F2: variants seen among roughly 807,000 people sequenced by gnomAD.
The protein encoded by F2 is coagulation factor II, thrombin.
In F2, 34 loss-of-function variants were observed where a neutral mutation model predicts 81.9. That is an observed-to-expected ratio of 0.42 (90% confidence interval 0.32 to 0.55). The LOEUF (loss-of-function observed/expected upper bound fraction) is 0.55. Ranked by LOEUF, F2 falls within the 20% of genes least tolerant of loss-of-function variation. The probability of loss-of-function intolerance (pLI) is 0.18; values close to 1 mark genes in which losing one functional copy is unlikely to be tolerated. For missense variants in F2, 630 were observed against 833.4 expected (o/e 0.76, Z 3.00); for synonymous variants, 296 against 326.4 (o/e 0.91, Z 1.01).
intron 4 of F2, among the ~76,000 whole-genome samples, chr11:46,721,076 G>T (rs1420755940): frequency 2.6e-5 from 4 of 151,810 alleles, no homozygotes; most frequent in Non-Finnish European, 5.9e-5. Context: ...ACAGAGTCTC[G>T]CTCTGTTGCC....
intron 12 of F2, among the ~76,000 whole-genome samples, chr11:46,737,803 G>A (rs551941937): frequency 8.7e-5 from 13 of 149,890 alleles, no homozygotes; most frequent in East Asian, 1.9e-4. Flanking sequence ...GTTTGCTTAC[G>A]TTTTTGTCTG....
Position 46,719,263 on chromosome 11 carries a change from C to G in F2, c.28C>G (p.Pro10Ala). 6.2e-7 allele frequency: 1 copy of G among 1,613,752 alleles called. No homozygotes were observed. The highest frequency in any genetic ancestry group is 1.3e-5 in the African/African-American group (1 of 75,060). The change falls in exon 1 of 14, where the codon CCT (proline) becomes GCT (alanine). Residue 10 changes from proline (P) to alanine (A), a missense_variant. Physicochemically the swap from Pro to Ala is conservative, Grantham distance 27. Transcript: ENST00000311907. The surrounding 1 kb of genome is among the most constrained non-coding windows in gnomAD (Gnocchi z 4.7). ...GGCGCACGTCCGAGGCTTGCAGCTG[C>G]CTGGCTGCCTGGCCCTGGCTGCCCT... MAHVRGLQLPGCLALAALCS... is the reference protein window; with the variant it reads MAHVRGLQLAGCLALAALCS...
At position 46,719,556 on chromosome 11, in the gene F2, T is replaced by G; in HGVS notation, c.80-146T>G. The G allele has an allele frequency of 1.7e-6, 2 of 1,143,644 alleles. No individual in the cohort carries two copies. Among genetic ancestry groups the G allele is most frequent in the East Asian group, 5.1e-5 (2 of 38,900 alleles). The allele number at this position is 1,143,644 out of a possible 1,614,324, so 70.8% of individuals were successfully genotyped here. ...GTAGGAGGGGCACAGGGGGCCACAT[T>G]TAGCAGCCTTCCAGGCACTTCCACC... On this transcript the variant is annotated intron_variant, in intron 1 of 13. Transcript: ENST00000311907. The surrounding 1 kb of genome is among the most constrained non-coding windows in gnomAD (Gnocchi z 4.7).
intron 6 of F2, among the ~76,000 whole-genome samples, chr11:46,725,104 CTG>C (rs3136459): frequency 0.14 from 16,509 of 121,412 alleles, 1,819 homozygotes; most frequent in East Asian, 0.6. Context: ...GAGTCTCACT[CTG>C]TCACCCAGGC....
At chr11:46,725,799 C>G (rs2064867702) in intron 6 of F2, 60 bp from the exon 7 acceptor site, 2 of 1,579,448 alleles carry the variant, frequency 1.3e-6, no homozygotes, top group African/African-American at 2.7e-5. Flanking sequence ...ACACCCCTGT[C>G]TGTTCCGGTC....
At chr11:46,735,439 C>CA (rs1257648028) in intron 12 of F2, among the ~76,000 whole-genome samples, 24 of 142,084 alleles carry the variant, frequency 1.7e-4, no homozygotes, top group East Asian at 2.1e-4. Flanking sequence ...GACTCCATCT[C>CA]AAAAAAAAAA....
Position 46,719,944 on chromosome 11 carries a change from A to T in F2, c.240+82A>T. 1 of 1,509,512 alleles carries T rather than the reference A, an allele frequency of 6.6e-7. No individual in the cohort carries two copies. The highest frequency in any genetic ancestry group is 8.9e-7 in the Non-Finnish European group (1 of 1,122,090). The allele number at this position is 1,509,512 out of a possible 1,614,324, so 93.5% of individuals were successfully genotyped here. A position where few individuals can be genotyped will look rare whatever the true frequency, so the allele number is the denominator to read the frequency against. ...ACTTCCACAGAGAAGCAAGCGAGGAACGCCACAGCCCCTTCGCTGCTCACA... is the reference window on the plus strand; with the variant it reads ...ACTTCCACAGAGAAGCAAGCGAGGATCGCCACAGCCCCTTCGCTGCTCACA... On this transcript the variant is annotated intron_variant, in intron 2 of 13. Transcript: ENST00000311907. The surrounding 1 kb of genome is among the most constrained non-coding windows in gnomAD (Gnocchi z 4.7).
chr11:46,729,318 G>T, intron 11 of F2, 62 bp from the exon 12 acceptor site: 1 of 1,566,928 alleles, frequency 6.4e-7, no homozygotes, highest in South Asian at 1.1e-5. Context: ...AAGAAATGGC[G>T]TTGGGGCCAG....
rs2064850459 is a variant in F2, at chr11:46,723,356, T to C, written c.423-26T>C. On this transcript the variant is annotated intron_variant, in intron 5 of 13. Coordinates refer to ENST00000311907, the MANE Select transcript of F2 (RefSeq NM_000506.5). The surrounding 1 kb of genome is among the most constrained non-coding windows in gnomAD (Gnocchi z 5.6). ...CAAGCGTACCTCAAGCCCAACAGCC[T>C]CCTGTTGGGCAATTTCCTGTTCCAG... 3.7e-6 allele frequency: 6 copies of C among 1,613,172 alleles called. No homozygotes were observed. The highest frequency in any genetic ancestry group is 5.1e-6 in the Non-Finnish European group (6 of 1,179,318).
At position 46,726,683 on chromosome 11, in the gene F2, G is replaced by T. The variant is rs1210409910; in HGVS notation, c.1004-28G>T. On this transcript the variant is annotated intron_variant, in intron 8 of 13. Transcript: ENST00000311907. The surrounding 1 kb of genome is among the most constrained non-coding windows in gnomAD (Gnocchi z 5.9). ...GCTGCGGGGCTGGTGGCCAGGACTTGCCCCTCACTGCTTGGCTTGCTCTGC... is the reference window on the plus strand; with the variant it reads ...GCTGCGGGGCTGGTGGCCAGGACTTTCCCCTCACTGCTTGGCTTGCTCTGC... 1 of 1,613,636 alleles carries T rather than the reference G, an allele frequency of 6.2e-7. No homozygotes were observed.
At chr11:46,737,839 CTT>C (rs112666449) in intron 12 of F2, among the ~76,000 whole-genome samples, 3 of 141,376 alleles carry the variant, frequency 2.1e-5, no homozygotes, top group South Asian at 2.3e-4. Flanking sequence ...CTCTTGCTAG[CTT>C]TTTTTTTTTT....
intron 13 of F2, 27 bp from the exon 14 acceptor site, chr11:46,739,238 A>G (rs754893371): frequency 1.2e-6 from 2 of 1,613,684 alleles, no homozygotes; most frequent in Non-Finnish European, 1.7e-6. Context: ...ACTTGACTCT[A>G]TTGGAAACCT....
Position 46,739,354 on chromosome 11 carries a change from T to TA in F2, c.1815_1816insA (p.Val606SerfsTer13). On this transcript the variant is annotated frameshift_variant, in exon 14 of 14. Coordinates refer to ENST00000311907, the MANE Select transcript of F2 (RefSeq NM_000506.5). LOFTEE classifies it high-confidence loss of function. The stretch of plus-strand genomic sequence containing the variant: ...ATGGGAAATATGGCTTCTACACACA[T>TA]GTGTTCCGCCTGAAGAAGTGGATAC... The TA allele has an allele frequency of 6.2e-7, 1 of 1,614,062 alleles. No individual in the cohort carries two copies. Among genetic ancestry groups the TA allele is most frequent in the Non-Finnish European group, 8.5e-7 (1 of 1,179,954 alleles).
intron 6 of F2, among the ~76,000 whole-genome samples, chr11:46,724,800 C>T (rs2064861207): frequency 6.6e-6 from 1 of 151,480 alleles, no homozygotes; most frequent in African/African-American, 2.4e-5. Flanking sequence ...TGGAGTCTCA[C>T]TCCCTTGCCC....
rs998768059 is a variant in F2, at chr11:46,719,964, C to G, written c.240+102C>G. ...GAGGAACGCCACAGCCCCTTCGCTGCTCACAGCCTCATTTCAACTCTGAGC... is the reference window on the plus strand; with the variant it reads ...GAGGAACGCCACAGCCCCTTCGCTGGTCACAGCCTCATTTCAACTCTGAGC... On this transcript the variant is annotated intron_variant, in intron 2 of 13. Coordinates refer to ENST00000311907, the MANE Select transcript of F2 (RefSeq NM_000506.5). The surrounding 1 kb of genome is among the most constrained non-coding windows in gnomAD (Gnocchi z 4.7). 7.6e-6 allele frequency: 11 copies of G among 1,440,194 alleles called. No homozygotes were observed. Among genetic ancestry groups the G allele is most frequent in the Non-Finnish European group, 1.0e-5 (11 of 1,062,132 alleles). The allele number at this position is 1,440,194 out of a possible 1,614,324, so 89.2% of individuals were successfully genotyped here. A position where few individuals can be genotyped will look rare whatever the true frequency, so the allele number is the denominator to read the frequency against.
intron 13 of F2, 42 bp from the exon 14 acceptor site, chr11:46,739,223 C>T (rs2064962560): frequency 6.2e-7 from 1 of 1,613,714 alleles, no homozygotes; most frequent in Non-Finnish European, 8.5e-7. Flanking sequence ...CTGATGTGAC[C>T]TTGAACTTGA....
At chr11:46,731,580 A>C (rs2134539830) in intron 12 of F2, among the ~76,000 whole-genome samples, 1 of 152,128 alleles carries the variant, frequency 6.6e-6, no homozygotes, top group South Asian at 2.1e-4. Flanking sequence ...AGGGAAAAAA[A>C]AAAAAAAAAG....
At chr11:46,720,038 G>C (rs1009034345) in intron 2 of F2, 176 bp downstream of exon 2, 43 of 853,508 alleles carry the variant, frequency 5.0e-5, no homozygotes, top group Middle Eastern at 3.5e-4. Context: ...TTTCCTGGGG[G>C]TCTCTGTGCC....
Position 46,723,984 on chromosome 11 carries a change from G to A in F2, c.559+466G>A, listed in dbSNP as rs990222740. ...TTGCTCAGTAAAGTCAGGGAATCAG[G>A]GGATCTGAGTGGGGGGATCTGCCAG... is the stretch of plus-strand genomic sequence containing the variant. On this transcript the variant is annotated intron_variant, in intron 6 of 13. Coordinates refer to ENST00000311907, the MANE Select transcript of F2 (RefSeq NM_000506.5). This position sits in a 1 kb window ranked among gnomAD's most constrained non-coding sequence, Gnocchi z 5.6. Among the ~76,000 whole-genome samples, 2 of 152,100 alleles carry A rather than the reference G, an allele frequency of 1.3e-5. No homozygotes were observed. The highest frequency in any genetic ancestry group is 2.4e-5 in the African/African-American group (1 of 41,416).
Sources: allele counts gnomAD v4.1 joint callset (sites outside exome capture counted in the v4.1 genomes callset), GRCh38; gene constraint gnomAD v4.1.1; non-coding constraint Gnocchi (gnomAD v3.1); transcripts MANE v1.5; gene names NCBI Gene and HGNC (gene_info 2026-07-23, HGNC 2026-07-21).